The following SLC37A3 variants were observed in gnomAD, a reference collection of about 807,000 sequenced individuals.
The protein encoded by SLC37A3 is solute carrier family 37 member 3, also known as sugar phosphate exchanger 3.
SLC37A3 carries 51 observed loss-of-function variants against 67.1 expected under a neutral mutation model. The ratio of observed to expected loss-of-function variants is 0.76; its 90% CI spans 0.61 to 0.96. The LOEUF is 0.96. Ranked by LOEUF, SLC37A3 falls within the 40% of genes least tolerant of loss-of-function variation. The pLI, the probability that SLC37A3 is intolerant of heterozygous loss-of-function variation, is 0.00. For synonymous variants in SLC37A3, 214 were observed against 231.4 expected, an observed-to-expected ratio of 0.92 and a Z score of 0.68; for missense variants, 508 against 603.0, an observed-to-expected ratio of 0.84 and a Z score of 1.65.
intron 4 of SLC37A3, among the ~76,000 whole-genome samples, chr7:140,367,886 C>T (rs1354957779): frequency 6.7e-6 from 1 of 148,748 alleles, no homozygotes; most frequent in African/African-American, 2.5e-5. Context: ...GTGACGCAAT[C>T]TCGGCTCACT....
Position 140,379,346 on chromosome 7 carries a change from G to A in SLC37A3, c.198+936C>T, listed in dbSNP as rs546428739. ...AAAAATTAGCCAGGCGTGGTGGCGG[G>A]CACCTGTGGTCCCAGCTACTTGGGA... On this transcript the variant is annotated intron_variant, in intron 3 of 14. Coordinates refer to ENST00000326232, the MANE Select transcript of SLC37A3 (RefSeq NM_207113.3). 1,079 of 151,458 alleles carry A rather than the reference G, an allele frequency of 7.1e-3. 5 individuals are homozygous for A. The highest frequency in any genetic ancestry group is 0.011 in the Non-Finnish European group (764 of 67,870). The allele number at this position is 151,458 out of a possible 1,614,324, so 9.4% of individuals were successfully genotyped here. A position where few individuals can be genotyped will look rare whatever the true frequency, so the allele number is the denominator to read the frequency against.
Position 140,359,318 on chromosome 7 carries a change from G to T in SLC37A3, c.376-533C>A, listed in dbSNP as rs1355874631. ...AGATCGTGCCACTGCACTCCAGCCT[G>T]CGCGGGAGTGCGAGACTCTGTCTCA... is the stretch of plus-strand genomic sequence containing the variant. On this transcript the variant is annotated intron_variant, in intron 5 of 14. Coordinates refer to ENST00000326232, the MANE Select transcript of SLC37A3 (RefSeq NM_207113.3). Among the ~76,000 whole-genome samples, 3 of 150,852 alleles carry T rather than the reference G, an allele frequency of 2.0e-5. 1 individual carries two copies. The highest frequency in any genetic ancestry group is 7.3e-5 in the African/African-American group (3 of 41,106).
At chr7:140,397,104 G>C (rs1175326287) in intron 1 of SLC37A3, among the ~76,000 whole-genome samples, 1 of 148,092 alleles carries the variant, frequency 6.8e-6, no homozygotes, top group African/African-American at 2.5e-5. Context: ...GGAGGCTGAG[G>C]CAGGAGAATC....
intron 4 of SLC37A3, among the ~76,000 whole-genome samples, chr7:140,366,106 G>A (rs933827593): frequency 1.3e-5 from 2 of 151,538 alleles, no homozygotes; most frequent in Non-Finnish European, 2.9e-5. Context: ...TTTTTTTAGA[G>A]ATGGGTTCTT....
chr7:140,337,140 T>C lies in SLC37A3; in HGVS notation c.1392+144A>G, dbSNP rs922972966. ...AAAAAGAAGAAGAAGAAGAAGAAGATGTCTTTTAGACTAATAAAATGTTAC... is the reference window on the plus strand; with the variant it reads ...AAAAAGAAGAAGAAGAAGAAGAAGACGTCTTTTAGACTAATAAAATGTTAC... On this transcript the variant is annotated intron_variant, in intron 14 of 14. Coordinates refer to ENST00000326232, the MANE Select transcript of SLC37A3 (RefSeq NM_207113.3). 36 of 438,776 alleles carry C rather than the reference T, an allele frequency of 8.2e-5. 2 individuals are homozygous for C. The highest frequency in any genetic ancestry group is 5.8e-4 in the Admixed American group (13 of 22,414). 27.2% of individuals were successfully genotyped at this position (438,776 alleles called of 1,614,324 possible).
chr7:140,360,341 A>C (rs1797215469), intron 5 of SLC37A3, among the ~76,000 whole-genome samples: 1 of 152,124 alleles, frequency 6.6e-6, no homozygotes, highest in African/African-American at 2.4e-5. Context: ...TTATCTCTAA[A>C]AAAATAATAA....
chr7:140,342,901 C>A (rs985999412), intron 13 of SLC37A3, among the ~76,000 whole-genome samples: 1 of 152,140 alleles, frequency 6.6e-6, no homozygotes, highest in African/African-American at 2.4e-5. Flanking sequence ...CTTTGAGATA[C>A]AGTCAGAGAT....
chr7:140,359,239 A>G (rs1431448654), intron 5 of SLC37A3, among the ~76,000 whole-genome samples: 3 of 151,296 alleles, frequency 2.0e-5, no homozygotes, highest in African/African-American at 7.3e-5. Flanking sequence ...GCTACTCAGG[A>G]GGCTGAGGCA....
In SLC37A3 at chr7:140,335,072, A is replaced by C; in HGVS notation, c.*340T>G. The C allele has an allele frequency of 1.4e-6, 1 of 734,402 alleles. No individual in the cohort carries two copies. The allele number at this position is 734,402 out of a possible 1,614,324, so 45.5% of individuals were successfully genotyped here. ...TTCACTCCATTTTCAAGGCTAGAGAAAGTTCAAGTCCAAAACAACAGTTAA... is the reference window on the plus strand; with the variant it reads ...TTCACTCCATTTTCAAGGCTAGAGACAGTTCAAGTCCAAAACAACAGTTAA... On this transcript the variant is annotated 3_prime_UTR_variant, in exon 15 of 15. Coordinates refer to ENST00000326232, the MANE Select transcript of SLC37A3 (RefSeq NM_207113.3).
chr7:140,362,364 G>A (rs1188563330), intron 5 of SLC37A3, among the ~76,000 whole-genome samples: 14 of 143,854 alleles, frequency 9.7e-5, no homozygotes, highest in African/African-American at 2.3e-4. Flanking sequence ...CAGCCACCCC[G>A]TCTGGGAAGT....
In SLC37A3 at chr7:140,334,945, A is replaced by T. The variant is rs1202712983; in HGVS notation, c.*467T>A. 1.5e-5 allele frequency: 5 copies of T among 342,534 alleles called. No individual in the cohort carries two copies. Among genetic ancestry groups the T allele is most frequent in the Non-Finnish European group, 2.2e-5 (4 of 178,676 alleles). 21.2% of individuals were successfully genotyped at this position (342,534 alleles called of 1,614,324 possible). ...TTGATCAGGATTTGATGCTTCAAAG[A>T]TGACCCACTCTCTGTAAACTCATTA... On this transcript the variant is annotated 3_prime_UTR_variant, in exon 15 of 15. Coordinates refer to ENST00000326232, the MANE Select transcript of SLC37A3 (RefSeq NM_207113.3).
chr7:140,356,834 G>C (rs1797048425), intron 6 of SLC37A3, among the ~76,000 whole-genome samples: 1 of 152,166 alleles, frequency 6.6e-6, no homozygotes, highest in Non-Finnish European at 1.5e-5. Context: ...TGTTGGGAAG[G>C]GCACAGAGCA....
At chr7:140,351,924 G>A (rs1563017238) in intron 8 of SLC37A3, 138 bp downstream of exon 8, 1 of 860,978 alleles carries the variant, frequency 1.2e-6, no homozygotes, top group Non-Finnish European at 1.9e-6. Context: ...GACTCAAACG[G>A]CAGTACTGTT....
rs1055225454 is a variant in SLC37A3, at chr7:140,334,639, G to A, written c.*773C>T. On this transcript the variant is annotated 3_prime_UTR_variant, in exon 15 of 15. Transcript: ENST00000326232. ...GTTCAAGATAAATGATGTACCTTAT[G>A]GTCCTTTACACGTCAGAATGTTCAA... 5.9e-5 allele frequency: 9 copies of A among 153,426 alleles called. No homozygotes were observed. The highest frequency in any genetic ancestry group is 2.2e-4 in the African/African-American group (9 of 41,416). 9.5% of individuals were successfully genotyped at this position (153,426 alleles called of 1,614,324 possible).
intron 3 of SLC37A3, among the ~76,000 whole-genome samples, chr7:140,371,915 G>A (rs1454571873): frequency 3.3e-5 from 5 of 151,588 alleles, no homozygotes; most frequent in African/African-American, 4.9e-5. Flanking sequence ...GCAATGGCAC[G>A]ATCTTGGCTC....
intron 7 of SLC37A3, 27 bp downstream of exon 7, chr7:140,355,641 G>T: frequency 6.4e-7 from 1 of 1,560,980 alleles, no homozygotes; most frequent in Non-Finnish European, 8.8e-7. Flanking sequence ...GAGAGAGAGA[G>T]CACCAGAGCT....
chr7:140,334,580 T>C lies in SLC37A3; in HGVS notation c.*832A>G, dbSNP rs754810057. 1 of 152,602 alleles carries C rather than the reference T, an allele frequency of 6.6e-6. No individual in the cohort carries two copies. Among genetic ancestry groups the C allele is most frequent in the African/African-American group, 2.4e-5 (1 of 41,422 alleles). The allele number at this position is 152,602 out of a possible 1,614,324, so 9.5% of individuals were successfully genotyped here. A position where few individuals can be genotyped will look rare whatever the true frequency, so the allele number is the denominator to read the frequency against. On this transcript the variant is annotated 3_prime_UTR_variant, in exon 15 of 15. Transcript: ENST00000326232. Reference sequence around the variant, plus strand: ...AAGTTCCCAGACAACAAATCTGGGATGGAGTGCTTCGGCTGTGAGTTACAC... The same window carrying C: ...AAGTTCCCAGACAACAAATCTGGGACGGAGTGCTTCGGCTGTGAGTTACAC...
intron 9 of SLC37A3, 35 bp downstream of exon 9, chr7:140,351,238 C>G (rs1254211376): frequency 1.3e-6 from 2 of 1,591,170 alleles, no homozygotes; most frequent in Non-Finnish European, 1.7e-6. Context: ...GCTCTCATAC[C>G]TCCCTGGCTG....
chr7:140,393,080 A>C lies in SLC37A3; in HGVS notation c.-71+5336T>G, dbSNP rs1416645338. 5.9e-5 allele frequency among the ~76,000 whole-genome samples: 9 copies of C among 152,128 alleles called. 1 individual carries two copies. Among genetic ancestry groups the C allele is most frequent in the Middle Eastern group, 3.4e-3 (1 of 294 alleles). ...GTACTCCAGCCTGGGTGACAGAGCAAGACTCCGTCCCAAAAAAAAAACTCA... is the reference window on the plus strand; with the variant it reads ...GTACTCCAGCCTGGGTGACAGAGCACGACTCCGTCCCAAAAAAAAAACTCA... On this transcript the variant is annotated intron_variant, in intron 1 of 14. Transcript: ENST00000326232.
Sources: allele counts gnomAD v4.1 joint callset (sites outside exome capture counted in the v4.1 genomes callset), GRCh38; gene constraint gnomAD v4.1.1; transcripts MANE v1.5; gene names NCBI Gene and HGNC (gene_info 2026-07-23, HGNC 2026-07-21).